LMBRD2: variants seen among roughly 807,000 people sequenced by gnomAD.
LMBRD2 encodes the protein LMBR1 domain containing 2.
A neutral mutation model predicts 94.4 loss-of-function variants in LMBRD2; 55 were observed. That is an observed-to-expected ratio of 0.58 (90% CI 0.47 to 0.73). The LOEUF is 0.73. Ranked by LOEUF, LMBRD2 falls within the 30% of genes least tolerant of loss-of-function variation. The pLI is 0.00. For synonymous variants in LMBRD2, 246 were observed against 272.4 expected, an observed-to-expected ratio of 0.90 and a Z score of 0.95; for missense variants, 640 against 831.9, an observed-to-expected ratio of 0.77 and a Z score of 2.84.
rs1303402580 is a variant in LMBRD2 at position 36,099,275 on chromosome 5, T to TATC, written c.*4768_*4770dup. On this transcript the variant is annotated 3_prime_UTR_variant, in exon 18 of 18. Coordinates refer to ENST00000296603, the MANE Select transcript of LMBRD2 (RefSeq NM_001007527.2). ...TACAAAAACATTTATAAAAATTAAATATCAGAAAGTGAGAACATCAATATT... is the reference window on the plus strand; with the variant it reads ...TACAAAAACATTTATAAAAATTAAATATCATCAGAAAGTGAGAACATCAATATT... The TATC allele has an allele frequency of 2.0e-5, 3 of 152,126 alleles. No homozygotes were observed. Among genetic ancestry groups the TATC allele is most frequent in the African/African-American group, 4.8e-5 (2 of 41,460 alleles). The allele number at this position is 152,126 out of a possible 1,614,324, so 9.4% of individuals were successfully genotyped here.
At chr5:36,108,718 ATTTAT>A in intron 15 of LMBRD2, 79 bp from the exon 16 acceptor site, 1 of 535,466 alleles carries the variant, frequency 1.9e-6, no homozygotes, top group Admixed American at 3.6e-5. Flanking sequence ...ATGCAATATA[ATTTAT>A]TTTCATCAGA....
At chr5:36,137,663 A>C (rs1744303303) in intron 4 of LMBRD2, among the ~76,000 whole-genome samples, 1 of 152,198 alleles carries the variant, frequency 6.6e-6, no homozygotes, top group South Asian at 2.1e-4. Flanking sequence ...GCCTTTATGA[A>C]GAGTCTGGAC....
chr5:36,115,190 A>T (rs1418979442), intron 11 of LMBRD2, 70 bp from the exon 12 acceptor site: 1 of 866,866 alleles, frequency 1.2e-6, no homozygotes, highest in East Asian at 2.7e-5. Flanking sequence ...GTATACTGAG[A>T]TGTATTAAAA....
intron 6 of LMBRD2, among the ~76,000 whole-genome samples, chr5:36,126,848 G>A (rs1017304012): frequency 2.6e-5 from 4 of 152,178 alleles, no homozygotes; most frequent in Non-Finnish European, 5.9e-5. Flanking sequence ...TCAAATGACT[G>A]GACTTCTCAG....
At chr5:36,110,029 T>C in intron 14 of LMBRD2, 38 bp from the exon 15 acceptor site, 1 of 1,513,286 alleles carries the variant, frequency 6.6e-7, no homozygotes, top group Non-Finnish European at 9.1e-7. Context: ...TGGCATAACA[T>C]GGTTTAATCA....
intron 15 of LMBRD2, 95 bp downstream of exon 15, chr5:36,109,850 T>C: frequency 1.1e-6 from 1 of 902,942 alleles, no homozygotes; most frequent in Non-Finnish European, 1.7e-6. Flanking sequence ...CACTGTTTTT[T>C]TCTGTCTTTA....
At chr5:36,119,133 A>C (rs1743828680) in intron 9 of LMBRD2, among the ~76,000 whole-genome samples, 1 of 152,186 alleles carries the variant, frequency 6.6e-6, no homozygotes, top group South Asian at 2.1e-4. Context: ...CTTTCCTCTC[A>C]TAATTCCTAG....
chr5:36,109,632 C>T (rs1055948627), intron 15 of LMBRD2, among the ~76,000 whole-genome samples: 3 of 151,972 alleles, frequency 2.0e-5, no homozygotes, highest in African/African-American at 4.8e-5. Context: ...ATCAAAACCA[C>T]TTTAATAGCA....
chr5:36,105,824 A>G (rs566360912), intron 16 of LMBRD2, among the ~76,000 whole-genome samples: 4 of 152,300 alleles, frequency 2.6e-5, no homozygotes, highest in East Asian at 1.9e-4. Context: ...ATCATACCAG[A>G]CAGCAGATAA....
At chr5:36,125,049 T>C (rs1743978080) in intron 6 of LMBRD2, among the ~76,000 whole-genome samples, 1 of 152,204 alleles carries the variant, frequency 6.6e-6, no homozygotes, top group South Asian at 2.1e-4. Context: ...TAATCCATAC[T>C]GGAGGGTGGG....
chr5:36,119,670 G>A (rs941536411), intron 9 of LMBRD2, among the ~76,000 whole-genome samples: 5 of 152,118 alleles, frequency 3.3e-5, no homozygotes, highest in African/African-American at 7.2e-5. Context: ...TGGGTCCTCA[G>A]TACTGCCTCA....
At chr5:36,124,774 C>T (rs190516535) in intron 6 of LMBRD2, among the ~76,000 whole-genome samples, 4 of 151,978 alleles carry the variant, frequency 2.6e-5, no homozygotes, top group South Asian at 2.1e-4. Flanking sequence ...TACTGGCGGG[C>T]GCAGTGGCTC....
At chr5:36,139,392 T>C (rs1744348298) in intron 4 of LMBRD2, among the ~76,000 whole-genome samples, 1 of 152,082 alleles carries the variant, frequency 6.6e-6, no homozygotes, top group South Asian at 2.1e-4. Flanking sequence ...ACAGCCTGGG[T>C]GCCATAAATG....
At chr5:36,126,122 G>T (rs1383850685) in intron 6 of LMBRD2, among the ~76,000 whole-genome samples, 1 of 152,180 alleles carries the variant, frequency 6.6e-6, no homozygotes, top group Non-Finnish European at 1.5e-5. Flanking sequence ...ATACATGACA[G>T]TGACAAGATA....
intron 6 of LMBRD2, among the ~76,000 whole-genome samples, chr5:36,126,013 A>C (rs1743999756): frequency 1.3e-5 from 2 of 152,188 alleles, no homozygotes; most frequent in Non-Finnish European, 2.9e-5. Context: ...AAGGGAGATT[A>C]AGGGTCTGCA....
intron 13 of LMBRD2, among the ~76,000 whole-genome samples, chr5:36,112,054 G>GAA (rs1427222777): frequency 1.3e-5 from 2 of 150,644 alleles, no homozygotes; most frequent in African/African-American, 4.9e-5. Flanking sequence ...TGGTGAAGGA[G>GAA]AGAGAGAGAG....
At chr5:36,149,381 A>G (rs531234288) in intron 1 of LMBRD2, among the ~76,000 whole-genome samples, 10 of 152,368 alleles carry the variant, frequency 6.6e-5, no homozygotes, top group Admixed American at 3.9e-4. Context: ...AAAGTCCAAT[A>G]TAGTACAGAC....
At chr5:36,139,128 G>A (rs1744342787) in intron 4 of LMBRD2, among the ~76,000 whole-genome samples, 1 of 152,238 alleles carries the variant, frequency 6.6e-6, no homozygotes, top group Non-Finnish European at 1.5e-5. Context: ...CGGGGACCCA[G>A]AAAGCCCCCA....
chr5:36,120,003 TTCTTTCTTTCTC>T (rs1265193179), intron 9 of LMBRD2, among the ~76,000 whole-genome samples: 1 of 148,252 alleles, frequency 6.7e-6, no homozygotes, highest in African/African-American at 2.5e-5. Flanking sequence ...TTCTTTCTCT[TTCTTTCTTTCTC>T]TCTTTCTTTC....
Sources: allele counts gnomAD v4.1 joint callset (sites outside exome capture counted in the v4.1 genomes callset), GRCh38; gene constraint gnomAD v4.1.1; transcripts MANE v1.5; gene names NCBI Gene and HGNC (gene_info 2026-07-23, HGNC 2026-07-21).